The following DCC variants were observed in gnomAD, a reference collection of about 807,000 sequenced individuals.
DCC encodes the protein netrin receptor DCC.
DCC carries 58 observed loss-of-function variants against 172.5 expected under a neutral mutation model. That is an observed-to-expected ratio of 0.34 (90% CI 0.27 to 0.42). The LOEUF (loss-of-function observed/expected upper bound fraction) is 0.42. DCC is among the 10% of genes least tolerant of loss of function. The pLI is 1.00. For missense variants in DCC, 1,740 were observed against 1,791.0 expected (o/e 0.97, Z 0.51); for synonymous variants, 709 against 644.5 (o/e 1.10, Z -1.52).
chr18:53,027,060 A>G (rs778784941), intron 5 of DCC, among the ~76,000 whole-genome samples: 1 of 152,138 alleles, frequency 6.6e-6, no homozygotes, highest in Non-Finnish European at 1.5e-5. Flanking sequence ...CATAAATGCT[A>G]ATTTCCTGGG....
At chr18:52,657,709 C>A (rs2035282227) in intron 1 of DCC, among the ~76,000 whole-genome samples, 1 of 152,126 alleles carries the variant, frequency 6.6e-6, no homozygotes, top group Non-Finnish European at 1.5e-5. Context: ...GAGACTGCAC[C>A]ATAATTATAT....
At chr18:52,824,617 C>A (rs1197521650) in intron 2 of DCC, among the ~76,000 whole-genome samples, 1 of 152,096 alleles carries the variant, frequency 6.6e-6, no homozygotes, top group Non-Finnish European at 1.5e-5. Context: ...GTCTTTTGAA[C>A]TGCTATAGTT....
chr18:52,727,737 G>C (rs1373309206), intron 1 of DCC, among the ~76,000 whole-genome samples: 1 of 152,138 alleles, frequency 6.6e-6, no homozygotes, highest in African/African-American at 2.4e-5. Flanking sequence ...CTGGTCAGGA[G>C]AGCATGAAGC....
chr18:52,365,068 T>C (rs1444939582), intron 1 of DCC, among the ~76,000 whole-genome samples: 1 of 152,206 alleles, frequency 6.6e-6, no homozygotes, highest in African/African-American at 2.4e-5. Context: ...GAAAATAAAT[T>C]GAGTTGGAAA....
intron 1 of DCC, among the ~76,000 whole-genome samples, chr18:52,499,561 C>T (rs948888022): frequency 1.3e-5 from 2 of 152,138 alleles, no homozygotes; most frequent in Non-Finnish European, 2.9e-5. Flanking sequence ...TATGCTTTCT[C>T]CCATCATATT....
At chr18:53,468,951 G>T (rs2045661866) in intron 25 of DCC, among the ~76,000 whole-genome samples, 1 of 152,098 alleles carries the variant, frequency 6.6e-6, no homozygotes, top group Non-Finnish European at 1.5e-5. Context: ...TGCCTGCAAA[G>T]ATATTGATTC....
At chr18:52,444,421 C>T (rs540034659) in intron 1 of DCC, among the ~76,000 whole-genome samples, 1 of 152,186 alleles carries the variant, frequency 6.6e-6, no homozygotes, top group South Asian at 2.1e-4. Context: ...CATTCTAGTG[C>T]TAAAAACAAA....
At chr18:52,411,868 A>C (rs1294165635) in intron 1 of DCC, among the ~76,000 whole-genome samples, 1 of 152,162 alleles carries the variant, frequency 6.6e-6, no homozygotes, top group Non-Finnish European at 1.5e-5. Flanking sequence ...CCTCATTGTC[A>C]AGCCACAAGC....
chr18:53,222,949 C>A lies in DCC; in HGVS notation c.1911+7352C>A, dbSNP rs945865880. Among the ~76,000 whole-genome samples the A allele has an allele frequency of 4.6e-5, 7 of 152,044 alleles. No individual in the cohort carries two copies. The East Asian group carries it at 1.2e-3, about 25-fold the overall frequency. ...CCTCATCTTCCTCCAAAAATACCTT[C>A]TTATCTCAATTAATTTAAAATAATA... On this transcript the variant is annotated intron_variant, in intron 12 of 28. Transcript: ENST00000442544.
intron 1 of DCC, among the ~76,000 whole-genome samples, chr18:52,700,955 C>T (rs2036114414): frequency 3.3e-5 from 5 of 152,140 alleles, no homozygotes; most frequent in Admixed American, 3.3e-4. Context: ...AATAATTAAA[C>T]CTGTACAAAG....
Position 53,427,987 on chromosome 18 carries a change from ATAT to A in DCC, c.3164-7153_3164-7151del, listed in dbSNP as rs1261004166. 3.5e-5 allele frequency among the ~76,000 whole-genome samples: 3 copies of A among 86,618 alleles called. 1 individual carries two copies. In the East Asian group the frequency reaches 8.2e-4, roughly 24 times the overall value. 56.8% of individuals were successfully genotyped at this position (86,618 alleles called of 152,430 possible). A position where few individuals can be genotyped will look rare whatever the true frequency, so the allele number is the denominator to read the frequency against. On this transcript the variant is annotated intron_variant, in intron 21 of 28. Coordinates refer to ENST00000442544, the MANE Select transcript of DCC (RefSeq NM_005215.4). ...AATATAATATATAATATAATATAAT[ATAT>A]TATAATAATATATAATATAATACTA...
chr18:52,652,741 G>GTGTGTGT (rs1555709976), intron 1 of DCC, among the ~76,000 whole-genome samples: 53 of 43,136 alleles, frequency 1.2e-3, no homozygotes, highest in East Asian at 3.3e-3. Context: ...TGTGTGTGTG[G>GTGTGTGT]GTGGAGGAGG....
In DCC at chr18:52,972,650, A is replaced by G. The variant is rs1371616299; in HGVS notation, c.985+47280A>G. 2.6e-5 allele frequency among the ~76,000 whole-genome samples: 4 copies of G among 151,250 alleles called. No individual in the cohort carries two copies. In the East Asian group the frequency reaches 7.8e-4, roughly 30 times the overall value. ...TATACTGGGCCAAAAGCAATGCAAA[A>G]CTAAGGAATTAAAGTCTGCCTTATC... On this transcript the variant is annotated intron_variant, in intron 5 of 28. Transcript: ENST00000442544.
chr18:53,181,807 C>T (rs766515876), intron 9 of DCC, among the ~76,000 whole-genome samples: 1 of 152,060 alleles, frequency 6.6e-6, no homozygotes, highest in East Asian at 1.9e-4. Context: ...CAAAACAACT[C>T]GAGTAGGGGA....
intron 15 of DCC, among the ~76,000 whole-genome samples, chr18:53,378,364 A>T (rs1053097429): frequency 6.6e-6 from 1 of 152,150 alleles, no homozygotes; most frequent in Non-Finnish European, 1.5e-5. Flanking sequence ...GAGCTTATAA[A>T]ATACATAATA....
intron 1 of DCC, among the ~76,000 whole-genome samples, chr18:52,557,746 G>C (rs895082652): frequency 6.6e-6 from 1 of 152,112 alleles, no homozygotes; most frequent in African/African-American, 2.4e-5. Flanking sequence ...TGCAACTTCT[G>C]CCTCCCAGAT....
chr18:53,014,736 G>A (rs1032589071), intron 5 of DCC, among the ~76,000 whole-genome samples: 5 of 151,916 alleles, frequency 3.3e-5, no homozygotes, highest in Admixed American at 2.0e-4. Flanking sequence ...AAAAATCATT[G>A]GTTTTAAGTT....
At chr18:53,324,840 T>C (rs1313418415) in intron 14 of DCC, among the ~76,000 whole-genome samples, 1 of 152,186 alleles carries the variant, frequency 6.6e-6, no homozygotes, top group Non-Finnish European at 1.5e-5. Context: ...CATCTACCCT[T>C]ATGAAGTATA....
chr18:52,893,603 T>C (rs190062444), intron 2 of DCC, among the ~76,000 whole-genome samples: 2 of 152,272 alleles, frequency 1.3e-5, no homozygotes, highest in Non-Finnish European at 2.9e-5. Context: ...CTTCAGAAAA[T>C]ATGCTGGATG....
Sources: allele counts gnomAD v4.1 joint callset (sites outside exome capture counted in the v4.1 genomes callset), GRCh38; gene constraint gnomAD v4.1.1; transcripts MANE v1.5; gene names NCBI Gene and HGNC (gene_info 2026-07-23, HGNC 2026-07-21).